Variants in SLC31A1 observed in about 807,000 individuals in gnomAD.
SLC31A1 encodes the protein high affinity copper uptake protein 1.
In SLC31A1, 5 loss-of-function variants were observed where a neutral mutation model predicts 17.2. The observed-to-expected ratio is 0.29, with a 90% CI of 0.15 to 0.61. The LOEUF (loss-of-function observed/expected upper bound fraction) is 0.61. Among genes scored for constraint, SLC31A1 ranks in the 20% least tolerant of loss-of-function variants. The probability of loss-of-function intolerance (pLI) is 0.86; values close to 1 mark genes in which losing one functional copy is unlikely to be tolerated. For missense variants in SLC31A1, 161 were observed against 241.4 expected (o/e 0.67, Z 2.21); for synonymous variants, 76 against 78.8 (o/e 0.96, Z 0.19).
rs1376801892 is a variant in SLC31A1 at position 113,260,641 on chromosome 9, T to A, written c.*168T>A. 2.9e-5 allele frequency: 20 copies of A among 684,624 alleles called. No individual in the cohort carries two copies. Among genetic ancestry groups the A allele is most frequent in the Non-Finnish European group, 2.6e-6 (1 of 380,620 alleles). The allele number at this position is 684,624 out of a possible 1,614,324, so 42.4% of individuals were successfully genotyped here. A position where few individuals can be genotyped will look rare whatever the true frequency, so the allele number is the denominator to read the frequency against. On this transcript the variant is annotated 3_prime_UTR_variant, in exon 5 of 5. Transcript: ENST00000374212. ...TGCTCAACAGAGGTTTAGTTTACAG[T>A]CTCTGAACTAAAGTAGTAACCTCCC...
At chr9:113,225,329 C>A (rs543095787) in intron 1 of SLC31A1, among the ~76,000 whole-genome samples, 1 of 152,268 alleles carries the variant, frequency 6.6e-6, no homozygotes, top group East Asian at 1.9e-4. Context: ...TTGTCAAATA[C>A]CTTGAAGGTC....
At chr9:113,257,309 C>A in intron 3 of SLC31A1, 124 bp downstream of exon 3, 1 of 861,338 alleles carries the variant, frequency 1.2e-6, no homozygotes, top group South Asian at 1.3e-5. Context: ...GATGCATAAC[C>A]ATCTTGGTTC....
At chr9:113,251,832 A>G (rs1396205139) in intron 1 of SLC31A1, among the ~76,000 whole-genome samples, 1 of 152,148 alleles carries the variant, frequency 6.6e-6, no homozygotes, top group Non-Finnish European at 1.5e-5. Flanking sequence ...GAGCGTAAGG[A>G]CTTATCAGGA....
intron 1 of SLC31A1, among the ~76,000 whole-genome samples, chr9:113,236,665 A>T (rs1184922179): frequency 6.6e-6 from 1 of 152,146 alleles, no homozygotes; most frequent in African/African-American, 2.4e-5. Context: ...CCCGGCCCTC[A>T]CTGAAACTAT....
rs1325906902 is a variant in SLC31A1 at position 113,262,278 on chromosome 9, G to A, written c.*1805G>A. Reference sequence around the variant, plus strand: ...TCGTGGGGGTTTAATTACATTACAAGTGGCCAAAACCCCTGTTCTCAGTGA... The same window carrying A: ...TCGTGGGGGTTTAATTACATTACAAATGGCCAAAACCCCTGTTCTCAGTGA... On this transcript the variant is annotated 3_prime_UTR_variant, in exon 5 of 5. Transcript: ENST00000374212. 6.6e-6 allele frequency: 1 copy of A among 152,646 alleles called. No individual in the cohort carries two copies. The highest frequency in any genetic ancestry group is 1.5e-5 in the Non-Finnish European group (1 of 68,052). The allele number at this position is 152,646 out of a possible 1,614,324, so 9.5% of individuals were successfully genotyped here.
intron 1 of SLC31A1, among the ~76,000 whole-genome samples, chr9:113,228,313 T>C (rs1831364858): frequency 6.6e-6 from 1 of 152,182 alleles, no homozygotes; most frequent in Non-Finnish European, 1.5e-5. Context: ...AAGAGGAGCA[T>C]GAAAGGGTGC....
At chr9:113,255,283 C>A (rs753993090) in intron 1 of SLC31A1, among the ~76,000 whole-genome samples, 1 of 152,186 alleles carries the variant, frequency 6.6e-6, no homozygotes, top group South Asian at 2.1e-4. Context: ...GATTAGAAAG[C>A]CTTAAAGCAG....
intron 1 of SLC31A1, among the ~76,000 whole-genome samples, chr9:113,232,766 C>G (rs1246528145): frequency 6.6e-6 from 1 of 151,544 alleles, no homozygotes; most frequent in South Asian, 2.1e-4. Flanking sequence ...ATCACTTGAA[C>G]CCAGGAGGTG....
intron 2 of SLC31A1, 83 bp from the exon 3 acceptor site, chr9:113,257,030 T>C: frequency 1.8e-6 from 2 of 1,122,356 alleles, no homozygotes; most frequent in East Asian, 4.7e-5. Context: ...CTTCTACTTT[T>C]AAATGTTCTA....
rs559920948 is a variant in SLC31A1, at chr9:113,238,686, T to C, written c.-36+17008T>C. Reference sequence around the variant, plus strand: ...CTGAGGCACAGGAATTGCTTGAACCTGGGAGGCAGAGGTTGCAGAGATCGT... The same window carrying C: ...CTGAGGCACAGGAATTGCTTGAACCCGGGAGGCAGAGGTTGCAGAGATCGT... On this transcript the variant is annotated intron_variant, in intron 1 of 4. Coordinates refer to ENST00000374212, the MANE Select transcript of SLC31A1 (RefSeq NM_001859.4). 3.9e-5 allele frequency among the ~76,000 whole-genome samples: 6 copies of C among 152,282 alleles called. No individual in the cohort carries two copies. The South Asian group carries it at 1.2e-3, about 32-fold the overall frequency.
chr9:113,232,557 C>T (rs896585000), intron 1 of SLC31A1, among the ~76,000 whole-genome samples: 1 of 151,816 alleles, frequency 6.6e-6, no homozygotes, highest in African/African-American at 2.4e-5. Context: ...GATGGCCAGG[C>T]ACGGTGGCTT....
intron 1 of SLC31A1, among the ~76,000 whole-genome samples, chr9:113,228,942 GT>G (rs1554719914): frequency 6.6e-6 from 1 of 151,988 alleles, no homozygotes. Flanking sequence ...TGCCTCCTGG[GT>G]TCAAGTGATT....
At chr9:113,253,790 G>T (rs1239995922) in intron 1 of SLC31A1, among the ~76,000 whole-genome samples, 2 of 151,778 alleles carry the variant, frequency 1.3e-5, no homozygotes, top group Non-Finnish European at 2.9e-5. Context: ...GTAGTGTCTG[G>T]CATGAAAGTG....
rs1831823096 is a variant in SLC31A1 at position 113,263,969 on chromosome 9, T to C, written c.*3496T>C. On this transcript the variant is annotated 3_prime_UTR_variant, in exon 5 of 5. Coordinates refer to ENST00000374212, the MANE Select transcript of SLC31A1 (RefSeq NM_001859.4). Reference sequence around the variant, plus strand: ...GGAGCAGGCGGAGGGGAGTACACTTTCATGTGATTTAATTTTGATCCTGCC... The same window carrying C: ...GGAGCAGGCGGAGGGGAGTACACTTCCATGTGATTTAATTTTGATCCTGCC... 6.6e-6 allele frequency: 1 copy of C among 152,182 alleles called. No homozygotes were observed. Among genetic ancestry groups the C allele is most frequent in the Admixed American group, 6.6e-5 (1 of 15,266 alleles). 9.4% of individuals were successfully genotyped at this position (152,182 alleles called of 1,614,324 possible). A position where few individuals can be genotyped will look rare whatever the true frequency, so the allele number is the denominator to read the frequency against.
chr9:113,230,566 T>C (rs1339786006), intron 1 of SLC31A1, among the ~76,000 whole-genome samples: 1 of 152,218 alleles, frequency 6.6e-6, no homozygotes, highest in Admixed American at 6.5e-5. Context: ...GCCTGTTTTG[T>C]TTTTAATTAA....
rs1381511244 is a variant in SLC31A1, at chr9:113,258,021, C to CTATG, written c.203-672_203-669dup. Among the ~76,000 whole-genome samples, 2 of 152,216 alleles carry CTATG rather than the reference C, an allele frequency of 1.3e-5. No homozygotes were observed. The highest frequency in any genetic ancestry group is 4.8e-5 in the African/African-American group (2 of 41,458). ...ACCAGTGTTCTTTTAGTCTACCAAACTATGGCCCACATCCTTCCTGATTCT... is the reference window on the plus strand; with the variant it reads ...ACCAGTGTTCTTTTAGTCTACCAAACTATGTATGGCCCACATCCTTCCTGATTCT... On this transcript the variant is annotated intron_variant, in intron 3 of 4. Coordinates refer to ENST00000374212, the MANE Select transcript of SLC31A1 (RefSeq NM_001859.4). This position sits in a 1 kb window ranked among gnomAD's most constrained non-coding sequence, Gnocchi z 4.8.
chr9:113,247,690 G>T (rs1028965491), intron 1 of SLC31A1, among the ~76,000 whole-genome samples: 4 of 152,116 alleles, frequency 2.6e-5, no homozygotes, highest in African/African-American at 9.7e-5. Context: ...TTGACTATAA[G>T]GAGGTTTTGA....
chr9:113,256,427 G>A, intron 2 of SLC31A1, 150 bp downstream of exon 2: 1 of 834,376 alleles, frequency 1.2e-6, no homozygotes, highest in Non-Finnish European at 1.8e-6. Context: ...CAAGTCATTT[G>A]CTCCAGATTA....
intron 4 of SLC31A1, among the ~76,000 whole-genome samples, chr9:113,259,699 C>T (rs1408515520): frequency 6.6e-6 from 1 of 151,650 alleles, no homozygotes; most frequent in Non-Finnish European, 1.5e-5. Flanking sequence ...ATCCTCCCAC[C>T]TCAGCCTCCT....
Sources: gnomAD v4.1 joint callset for allele counts (sites outside exome capture counted in the v4.1 genomes callset) on GRCh38, gnomAD v4.1.1 for gene constraint, Gnocchi (gnomAD v3.1) non-coding constraint, MANE v1.5 for transcripts, NCBI Gene and HGNC (gene_info 2026-07-23, HGNC 2026-07-21) for gene names.